Variants in PIGB observed in about 807,000 individuals in gnomAD.
PIGB encodes GPI alpha-1,2-mannosyltransferase 3.
PIGB carries 58 observed loss-of-function variants against 68.4 expected under a neutral mutation model. The ratio of observed to expected loss-of-function variants is 0.85; its 90% CI spans 0.69 to 1.06. The LOEUF is 1.06. Among genes scored for constraint, PIGB ranks in the 50% least tolerant of loss-of-function variants. The pLI is 0.00. For missense variants in PIGB, 634 were observed against 655.8 expected, an observed-to-expected ratio of 0.97 and a Z score of 0.36; for synonymous variants, 219 against 220.5, an observed-to-expected ratio of 0.99 and a Z score of 0.06.
chr15:55,350,891 G>C lies in PIGB; in HGVS notation c.1316G>C (p.Cys439Ser). The C allele has an allele frequency of 6.3e-7, 1 of 1,584,678 alleles. No homozygotes were observed. The highest frequency in any genetic ancestry group is 8.7e-7 in the Non-Finnish European group (1 of 1,154,164). ...SSASIFIMMP[C>S]HSTPYYSHVH... ...GCTTCAATATTTATAATGATGCCTT[G>C]CCACTCTACTCCTTATTACAGGTAA... Residue 439 changes from cysteine to serine, a missense_variant, in exon 10 of 12, where the codon TGC (cysteine) becomes TCC (serine). By Grantham distance (112) the Cys-to-Ser change is moderately radical. Coordinates refer to ENST00000164305, the MANE Select transcript of PIGB (RefSeq NM_004855.5).
chr15:55,328,153 C>A (rs1595775310), intron 4 of PIGB, among the ~76,000 whole-genome samples: 1 of 152,320 alleles, frequency 6.6e-6, no homozygotes, highest in Non-Finnish European at 1.5e-5. Context: ...GGTGCAATTA[C>A]TGGACTCATG....
At chr15:55,320,504 G>A (rs962159814) in intron 2 of PIGB, 94 bp downstream of exon 2, 8 of 1,128,176 alleles carry the variant, frequency 7.1e-6, no homozygotes, top group South Asian at 4.7e-5. Context: ...TTGCTCCCTC[G>A]TCTTCAGTAG....
chr15:55,320,071 G>T, intron 1 of PIGB: 1 of 406,368 alleles, frequency 2.5e-6, no homozygotes, highest in Non-Finnish European at 4.4e-6. Context: ...AGAAAAGTTG[G>T]TTAAACTAAA....
chr15:55,323,955 T>C (rs570492791), intron 3 of PIGB, among the ~76,000 whole-genome samples: 2 of 152,342 alleles, frequency 1.3e-5, no homozygotes, highest in Admixed American at 1.3e-4. Flanking sequence ...TGGCACCATC[T>C]TGGCTGGCTG....
At chr15:55,334,578 GACTCTT>G (rs1452685823) in intron 6 of PIGB, among the ~76,000 whole-genome samples, 2 of 152,124 alleles carry the variant, frequency 1.3e-5, no homozygotes, top group Non-Finnish European at 2.9e-5. Context: ...ACTGCATTCT[GACTCTT>G]ACAACAGTAA....
chr15:55,350,435 G>C, intron 9 of PIGB: 1 of 453,898 alleles, frequency 2.2e-6, no homozygotes, highest in Non-Finnish European at 3.9e-6. Flanking sequence ...ACTTGTGCTA[G>C]AACTGGAATT....
At chr15:55,354,455 T>G (rs2056022370) in intron 10 of PIGB, 1 of 198,640 alleles carries the variant, frequency 5.0e-6, no homozygotes, top group Admixed American at 6.1e-5. Context: ...TATTAACAAG[T>G]TAACTTACCT....
At chr15:55,330,851 C>G (rs2055397628) in intron 5 of PIGB, among the ~76,000 whole-genome samples, 1 of 152,122 alleles carries the variant, frequency 6.6e-6, no homozygotes, top group African/African-American at 2.4e-5. Flanking sequence ...TCATTTCTGT[C>G]TTAGACTCTC....
At chr15:55,327,258 CATAT>C (rs2055313730) in intron 3 of PIGB, among the ~76,000 whole-genome samples, 5 of 146,748 alleles carry the variant, frequency 3.4e-5, no homozygotes, top group African/African-American at 1.2e-4. Flanking sequence ...TTATATATAA[CATAT>C]GTGTATATAT....
In PIGB at chr15:55,319,255, G is replaced by A; in HGVS notation, c.5G>A (p.Arg2Lys). 3 of 1,605,750 alleles carry A rather than the reference G, an allele frequency of 1.9e-6. No individual in the cohort carries two copies. The highest frequency in any genetic ancestry group is 1.1e-5 in the South Asian group (1 of 88,852). M[R>K]RPLSKCGMEP... ...TTAGGAAGGTGGCGGCCAGGGATGA[G>A]GAGGCCCCTAAGCAAGTGCGGAATG... The change falls in exon 1 of 12, where the codon AGG becomes AAG. Residue 2 changes from arginine (R) to lysine (K), a missense_variant. Transcript: ENST00000164305.
At position 55,354,815 on chromosome 15, in the gene PIGB, T is replaced by A. The variant is rs780239721; in HGVS notation, c.1355T>A (p.Leu452His). ...TPYYSHVHCP[L>H]PMRFLQCPPD... The stretch of plus-strand genomic sequence containing the variant: ...TTTCATAGCCATGTTCACTGCCCAC[T>A]TCCCATGAGATTTCTCCAGTGCCCG... The change falls in exon 11 of 12, where the codon CTT becomes CAT. Residue 452 changes from leucine to histidine, a missense_variant. Physicochemically the swap from Leu to His is moderately conservative, Grantham distance 99. Transcript: ENST00000164305. The A allele has an allele frequency of 6.2e-7, 1 of 1,610,350 alleles. No homozygotes were observed. The highest frequency in any genetic ancestry group is 8.5e-7 in the Non-Finnish European group (1 of 1,178,940).
At chr15:55,328,810 A>G (rs994081655) in intron 4 of PIGB, among the ~76,000 whole-genome samples, 1 of 152,196 alleles carries the variant, frequency 6.6e-6, no homozygotes, top group African/African-American at 2.4e-5. Flanking sequence ...TACTAAAAAT[A>G]CAAAAATTAT....
chr15:55,321,159 T>C (rs2055154225), intron 2 of PIGB, 114 bp from the exon 3 acceptor site: 1 of 863,012 alleles, frequency 1.2e-6, no homozygotes, highest in Non-Finnish European at 1.7e-6. Flanking sequence ...CAGGACCACT[T>C]GAGCCCAAGT....
intron 9 of PIGB, 51 bp from the exon 10 acceptor site, chr15:55,350,648 C>CTTG (rs1273808438): frequency 8.8e-7 from 1 of 1,130,908 alleles, no homozygotes; most frequent in African/African-American, 1.6e-5. Flanking sequence ...TTGCAGTTAA[C>CTTG]ATAACAAAAG....
intron 5 of PIGB, among the ~76,000 whole-genome samples, chr15:55,332,244 AT>A (rs1355725859): frequency 2.6e-5 from 4 of 151,954 alleles, no homozygotes; most frequent in Non-Finnish European, 5.9e-5. Flanking sequence ...AAGTGCTGGG[AT>A]TACAGGCGTG....
At chr15:55,338,176 T>C (rs1035625936) in intron 6 of PIGB, among the ~76,000 whole-genome samples, 2 of 152,164 alleles carry the variant, frequency 1.3e-5, no homozygotes, top group Non-Finnish European at 2.9e-5. Flanking sequence ...TATTTTTCTG[T>C]ATATGTGTTT....
intron 6 of PIGB, among the ~76,000 whole-genome samples, chr15:55,337,641 G>C (rs2055567595): frequency 6.6e-6 from 1 of 152,174 alleles, no homozygotes; most frequent in Non-Finnish European, 1.5e-5. Context: ...AAAAAGGTTA[G>C]GGACCGCTAC....
At chr15:55,323,103 G>A (rs1322357266) in intron 3 of PIGB, among the ~76,000 whole-genome samples, 1 of 152,150 alleles carries the variant, frequency 6.6e-6, no homozygotes, top group East Asian at 1.9e-4. Context: ...GTCGTATCTA[G>A]AACTTGACCC....
chr15:55,328,327 C>G lies in PIGB; in HGVS notation c.522+692C>G, dbSNP rs530423068. On this transcript the variant is annotated intron_variant, in intron 4 of 11. Coordinates refer to ENST00000164305, the MANE Select transcript of PIGB (RefSeq NM_004855.5). ...ATTCTGTAGTACTGTCGTTAATTCA[C>G]TTGGCTCTTTGTAAAGTTAATAAGC... 7.2e-5 allele frequency among the ~76,000 whole-genome samples: 11 copies of G among 152,308 alleles called. No homozygotes were observed. In the South Asian group the frequency reaches 2.3e-3, roughly 32 times the overall value.
Sources: gnomAD v4.1 joint callset for allele counts (sites outside exome capture counted in the v4.1 genomes callset) on GRCh38, gnomAD v4.1.1 for gene constraint, MANE v1.5 for transcripts, NCBI Gene and HGNC (gene_info 2026-07-23, HGNC 2026-07-21) for gene names.